The following TRIM44 variants were observed in gnomAD, a reference collection of about 807,000 sequenced individuals.
The protein encoded by TRIM44 is tripartite motif-containing protein 44.
A neutral mutation model predicts 37.4 loss-of-function variants in TRIM44; 13 were observed. That is an observed-to-expected ratio of 0.35 (90% CI 0.23 to 0.55). The LOEUF is 0.55. Among genes scored for constraint, TRIM44 ranks in the 20% least tolerant of loss-of-function variants. The pLI is 0.89. For missense variants in TRIM44, 426 were observed against 437.2 expected (o/e 0.97, Z 0.23); for synonymous variants, 175 against 157.2 (o/e 1.11, Z -0.85).
chr11:35,727,024 T>C (rs1419248640), intron 3 of TRIM44, among the ~76,000 whole-genome samples: 1 of 151,726 alleles, frequency 6.6e-6, no homozygotes, highest in Non-Finnish European at 1.5e-5. Context: ...GTAGCAGACA[T>C]GGTCTCACCT....
At chr11:35,780,634 G>A (rs1419648555) in intron 4 of TRIM44, among the ~76,000 whole-genome samples, 1 of 152,124 alleles carries the variant, frequency 6.6e-6, no homozygotes, top group African/African-American at 2.4e-5. Context: ...GAGAGATAAA[G>A]GAATATGTGC....
At position 35,765,908 on chromosome 11, in the gene TRIM44, A is replaced by G. The variant is rs144998072; in HGVS notation, c.1007+30463A>G. Among the ~76,000 whole-genome samples, 21 of 152,270 alleles carry G rather than the reference A, an allele frequency of 1.4e-4. No homozygotes were observed. In the South Asian group the frequency reaches 3.1e-3, roughly 23 times the overall value. ...GTTTGTCGGAGACTAATTGTAAGAA[A>G]CCAAAATCCATCCAAACTAGTTCAA... On this transcript the variant is annotated intron_variant, in intron 4 of 4. Coordinates refer to ENST00000299413, the MANE Select transcript of TRIM44 (RefSeq NM_017583.6).
chr11:35,778,172 T>C (rs1853000007), intron 4 of TRIM44, among the ~76,000 whole-genome samples: 2 of 152,320 alleles, frequency 1.3e-5, no homozygotes, highest in Middle Eastern at 3.4e-3. Flanking sequence ...CTCTTTTTTC[T>C]CTAAACTTCT....
chr11:35,806,492 C>T lies in TRIM44; in HGVS notation c.*107C>T. ...TGAAAGCTGCTCAGCAACAAACGTACTTCCACCAGATGTGTCCCCAGATCC... is the reference window on the plus strand; with the variant it reads ...TGAAAGCTGCTCAGCAACAAACGTATTTCCACCAGATGTGTCCCCAGATCC... On this transcript the variant is annotated 3_prime_UTR_variant, in exon 5 of 5. Transcript: ENST00000299413. The T allele has an allele frequency of 8.1e-7, 1 of 1,242,102 alleles. No homozygotes were observed. The highest frequency in any genetic ancestry group is 1.2e-6 in the Non-Finnish European group (1 of 845,650). 76.9% of individuals were successfully genotyped at this position (1,242,102 alleles called of 1,614,324 possible).
intron 4 of TRIM44, among the ~76,000 whole-genome samples, chr11:35,801,028 TC>T (rs892936665): frequency 1.3e-5 from 2 of 152,134 alleles, no homozygotes; most frequent in Non-Finnish European, 2.9e-5. Context: ...CACAGTAACC[TC>T]CTTATTTTCA....
At chr11:35,804,693 C>T (rs1285459021) in intron 4 of TRIM44, among the ~76,000 whole-genome samples, 1 of 152,162 alleles carries the variant, frequency 6.6e-6, no homozygotes, top group Non-Finnish European at 1.5e-5. Context: ...GGACAGATGC[C>T]ATTAAATACT....
intron 4 of TRIM44, among the ~76,000 whole-genome samples, chr11:35,773,729 T>G (rs1029751939): frequency 6.6e-6 from 1 of 152,232 alleles, no homozygotes; most frequent in African/African-American, 2.4e-5. Context: ...GTGTTTGGTT[T>G]TCTGTCCTTG....
chr11:35,742,608 T>TTAATTATATTAATTGTATTTTATATA (rs1852420372), intron 4 of TRIM44, among the ~76,000 whole-genome samples: 4 of 132,286 alleles, frequency 3.0e-5, no homozygotes, highest in Non-Finnish European at 4.6e-5. Flanking sequence ...TATAATTATA[T>TTAATTATATTAATTGTATTTTATATA]TAATTATATT....
At position 35,787,872 on chromosome 11, in the gene TRIM44, T is replaced by C. The variant is rs866520662; in HGVS notation, c.1008-18486T>C. 5.9e-5 allele frequency among the ~76,000 whole-genome samples: 9 copies of C among 152,318 alleles called. No homozygotes were observed. In the South Asian group the frequency reaches 8.3e-4, roughly 14 times the overall value. Reference sequence around the variant, plus strand: ...TAGGACTTCATAATGAGGCATTCAGTGTCTACCACTGTTCACAGCCTCACT... The same window carrying C: ...TAGGACTTCATAATGAGGCATTCAGCGTCTACCACTGTTCACAGCCTCACT... On this transcript the variant is annotated intron_variant, in intron 4 of 4. Coordinates refer to ENST00000299413, the MANE Select transcript of TRIM44 (RefSeq NM_017583.6).
In TRIM44 at chr11:35,792,111, A is replaced by ACACACACACT. The variant is rs796092540; in HGVS notation, c.1008-14246_1008-14245insACACACACTC. 8.7e-3 allele frequency among the ~76,000 whole-genome samples: 995 copies of ACACACACACT among 114,270 alleles called. 5 individuals are homozygous for ACACACACACT. Among genetic ancestry groups the ACACACACACT allele is most frequent in the South Asian group, 0.022 (82 of 3,810 alleles). The allele number at this position is 114,270 out of a possible 152,430, so 75.0% of individuals were successfully genotyped here. On this transcript the variant is annotated intron_variant, in intron 4 of 4. Transcript: ENST00000299413. Reference sequence around the variant, plus strand: ...CACACACACACACACACACACACACACTCTCTCTCATCATTCTCTATTCCA... The same window carrying ACACACACACT: ...CACACACACACACACACACACACACACACACACACTCTCTCTCTCATCATTCTCTATTCCA...
At chr11:35,752,717 T>C (rs1324646498) in intron 4 of TRIM44, among the ~76,000 whole-genome samples, 1 of 152,120 alleles carries the variant, frequency 6.6e-6, no homozygotes, top group Admixed American at 6.5e-5. Flanking sequence ...TCTTCAGAGG[T>C]GAAGTTCCTT....
chr11:35,741,346 A>C (rs929638588), intron 4 of TRIM44, among the ~76,000 whole-genome samples: 1 of 152,186 alleles, frequency 6.6e-6, no homozygotes, highest in Non-Finnish European at 1.5e-5. Flanking sequence ...CTGCCTGTCT[A>C]TACCCAAAGC....
chr11:35,796,430 T>G (rs1382046136), intron 4 of TRIM44, among the ~76,000 whole-genome samples: 1 of 152,206 alleles, frequency 6.6e-6, no homozygotes. Context: ...AGTCCAGCAT[T>G]TTATTAAATC....
chr11:35,704,566 G>A (rs1851846360), intron 2 of TRIM44, among the ~76,000 whole-genome samples: 1 of 152,188 alleles, frequency 6.6e-6, no homozygotes, highest in Non-Finnish European at 1.5e-5. Context: ...GGATCTCTCG[G>A]CAGAAACTCT....
chr11:35,683,935 C>A (rs72930251), intron 1 of TRIM44, among the ~76,000 whole-genome samples: 12,045 of 152,032 alleles, frequency 0.079, 706 homozygotes, highest in Non-Finnish European at 0.12. Flanking sequence ...TTTCATACTT[C>A]CTTTTTTATT....
intron 4 of TRIM44, among the ~76,000 whole-genome samples, chr11:35,781,220 C>T (rs1336658833): frequency 2.6e-5 from 4 of 152,006 alleles, no homozygotes; most frequent in Non-Finnish European, 4.4e-5. Flanking sequence ...AGTTCAGACC[C>T]CATCAGACCA....
intron 2 of TRIM44, among the ~76,000 whole-genome samples, chr11:35,719,928 T>C (rs1476904331): frequency 1.3e-5 from 2 of 152,230 alleles, no homozygotes; most frequent in East Asian, 1.9e-4. Flanking sequence ...AGTATCACAC[T>C]GTCTTGATTA....
At chr11:35,738,005 C>T (rs577539264) in intron 4 of TRIM44, among the ~76,000 whole-genome samples, 44 of 152,260 alleles carry the variant, frequency 2.9e-4, no homozygotes, top group African/African-American at 9.6e-4. Context: ...GGCCCTCCTC[C>T]GCCTTTTCTC....
chr11:35,797,579 T>C (rs1853309909), intron 4 of TRIM44, among the ~76,000 whole-genome samples: 1 of 152,190 alleles, frequency 6.6e-6, no homozygotes, highest in African/African-American at 2.4e-5. Flanking sequence ...CAACCCTTGA[T>C]ATGATGTAAT....
Sources: allele counts gnomAD v4.1 joint callset (sites outside exome capture counted in the v4.1 genomes callset), GRCh38; gene constraint gnomAD v4.1.1; transcripts MANE v1.5; gene names NCBI Gene and HGNC (gene_info 2026-07-23, HGNC 2026-07-21).